ANGPTL6: variants seen among roughly 807,000 people sequenced by gnomAD.
ANGPTL6 encodes angiopoietin like 6.
A neutral mutation model predicts 47.4 loss-of-function variants in ANGPTL6; 45 were observed. That is an observed-to-expected ratio of 0.95 (90% confidence interval 0.75 to 1.22). ANGPTL6 has a LOEUF of 1.22. Among genes scored for constraint, ANGPTL6 ranks in the 50% most tolerant of loss-of-function variants. The probability of loss-of-function intolerance (pLI) is 0.00; values close to 1 mark genes in which losing one functional copy is unlikely to be tolerated. For missense variants in ANGPTL6, 698 were observed against 669.4 expected (o/e 1.04, Z -0.47); for synonymous variants, 290 against 295.9 (o/e 0.98, Z 0.20).
intron 3 of ANGPTL6, chr19:10,094,447 A>G (rs1031714266): frequency 2.4e-5 from 9 of 370,456 alleles, no homozygotes; most frequent in Admixed American, 9.3e-5. Context: ...CGCCCGGCCA[A>G]CTCTGGGGTT....
Position 10,096,240 on chromosome 19 carries a change from G to C in ANGPTL6, c.324C>G (p.Gly108=). Residue 108 remains glycine (G), a synonymous_variant, in exon 2 of 6, where the codon GGC becomes GGG. Transcript: ENST00000253109. ...KESRGLSARL[G]QLRAQLQHEA... Reference sequence around the variant, plus strand: ...CGTGCTGCAGCTGCGCGCGCAACTGGCCCAGGCGCGCGCTCAGGCCGCGGC... The same window carrying C: ...CGTGCTGCAGCTGCGCGCGCAACTGCCCCAGGCGCGCGCTCAGGCCGCGGC... 1.7e-6 allele frequency: 2 copies of C among 1,182,084 alleles called. No homozygotes were observed. The highest frequency in any genetic ancestry group is 2.1e-6 in the Non-Finnish European group (2 of 957,076). The allele number at this position is 1,182,084 out of a possible 1,614,324, so 73.2% of individuals were successfully genotyped here. A position where few individuals can be genotyped will look rare whatever the true frequency, so the allele number is the denominator to read the frequency against.
chr19:10,096,283 C>T lies in ANGPTL6; in HGVS notation c.281G>A (p.Arg94His), dbSNP rs2088533243. ...AADGAVAGEVRALRKESRGLS... is the reference protein window; with the variant it reads ...AADGAVAGEVHALRKESRGLS... ...GCCGCGGCTCTCCTTGCGCAGCGCG[C>T]GCACCTCGCCGGCCACGGCGCCGTC... is the stretch of plus-strand genomic sequence containing the variant. Residue 94 changes from arginine (R) to histidine (H), a missense_variant, in exon 2 of 6, where the codon CGC becomes CAC. By Grantham distance (29) the Arg-to-His change is conservative. Coordinates refer to ENST00000253109, the MANE Select transcript of ANGPTL6 (RefSeq NM_031917.3). The T allele has an allele frequency of 8.2e-7, 1 of 1,214,838 alleles. No homozygotes were observed. Among genetic ancestry groups the T allele is most frequent in the Non-Finnish European group, 1.0e-6 (1 of 978,930 alleles). The allele number at this position is 1,214,838 out of a possible 1,614,324, so 75.3% of individuals were successfully genotyped here.
At chr19:10,104,081 CAAAAAAAAA>C (rs33948028), upstream of ANGPTL6, among the ~76,000 whole-genome samples, 1 of 74,184 alleles carries the variant, frequency 1.3e-5, no homozygotes, top group African/African-American at 5.3e-5. Flanking sequence ...GACTCTGTCT[CAAAAAAAAA>C]AAAAAAAAAA....
chr19:10,099,386 C>A (rs1156896175), intron 1 of ANGPTL6, among the ~76,000 whole-genome samples: 1 of 151,974 alleles, frequency 6.6e-6, no homozygotes, highest in Admixed American at 6.6e-5. Context: ...ACCATCCTGG[C>A]TAACACAGTG....
chr19:10,103,299 C>A (rs1053796358), upstream of ANGPTL6, among the ~76,000 whole-genome samples: 1 of 151,826 alleles, frequency 6.6e-6, no homozygotes, highest in Non-Finnish European at 1.5e-5. Flanking sequence ...CACATTAACA[C>A]CCAGCGAAAG....
chr19:10,096,335 G>A lies in ANGPTL6; in HGVS notation c.229C>T (p.Arg77Cys). Reference sequence around the variant, plus strand: ...GCCGCCGCCAGCCTCTGCAGCTCGCGTAACAGCTCCTCGTGGCGGCCGACG... The same window carrying A: ...GCCGCCGCCAGCCTCTGCAGCTCGCATAACAGCTCCTCGTGGCGGCCGACG... ...MRVGRHEELL[R>C]ELQRLAAADG... The change falls in exon 2 of 6, where the codon CGC (arginine) becomes TGC (cysteine). Residue 77 changes from arginine (R) to cysteine (C), a missense_variant. Physicochemically the swap from Arg to Cys is radical, Grantham distance 180. Transcript: ENST00000253109. 5.5e-6 allele frequency: 7 copies of A among 1,283,804 alleles called. No homozygotes were observed. Among genetic ancestry groups the A allele is most frequent in the Non-Finnish European group, 5.9e-6 (6 of 1,019,950 alleles). 79.5% of individuals were successfully genotyped at this position (1,283,804 alleles called of 1,614,324 possible).
rs111902676 is a variant in ANGPTL6 at position 10,102,115 on chromosome 19, CAAAAAAAAAA to C, written c.-11+443_-11+452del. Among the ~76,000 whole-genome samples, 151 of 43,736 alleles carry C rather than the reference CAAAAAAAAAA, an allele frequency of 3.5e-3. 1 individual carries two copies. Among genetic ancestry groups the C allele is most frequent in the African/African-American group, 0.013 (148 of 11,174 alleles). The allele number at this position is 43,736 out of a possible 152,430, so 28.7% of individuals were successfully genotyped here. On this transcript the variant is annotated intron_variant, in intron 1 of 5. Coordinates refer to ENST00000253109, the MANE Select transcript of ANGPTL6 (RefSeq NM_031917.3). ...TGGGTGACAGAGCGAGACTCTGTCT[CAAAAAAAAAA>C]AAAAAAAAAAAAAGAAATGGCAGAA... is the stretch of plus-strand genomic sequence containing the variant.
chr19:10,101,949 C>CA (rs903648674), intron 1 of ANGPTL6, among the ~76,000 whole-genome samples: 2,937 of 96,508 alleles, frequency 0.03, 117 homozygotes, highest in African/African-American at 0.096. Flanking sequence ...ACTAAAAATA[C>CA]AAAAAAAAAA....
At position 10,092,485 on chromosome 19, in the gene ANGPTL6, T is replaced by C. The variant is rs2088412281; in HGVS notation, c.*104A>G. 2 of 1,521,956 alleles carry C rather than the reference T, an allele frequency of 1.3e-6. No individual in the cohort carries two copies. The highest frequency in any genetic ancestry group is 2.8e-5 in the African/African-American group (2 of 72,086). The allele number at this position is 1,521,956 out of a possible 1,614,324, so 94.3% of individuals were successfully genotyped here. A position where few individuals can be genotyped will look rare whatever the true frequency, so the allele number is the denominator to read the frequency against. ...GTCACAGATCCACAGTGGGAAGTTC[T>C]GTGGGACACATTGGCACTGAGCCAC... is the stretch of plus-strand genomic sequence containing the variant. On this transcript the variant is annotated 3_prime_UTR_variant, in exon 6 of 6. Transcript: ENST00000253109.
chr19:10,104,071 G>C (rs1454039430), upstream of ANGPTL6, among the ~76,000 whole-genome samples: 1 of 109,642 alleles, frequency 9.1e-6, no homozygotes, highest in Non-Finnish European at 1.7e-5. Flanking sequence ...GACAGAGTAA[G>C]ACTCTGTCTC....
intron 1 of ANGPTL6, among the ~76,000 whole-genome samples, chr19:10,100,806 A>C (rs1438183613): frequency 6.6e-6 from 1 of 152,182 alleles, no homozygotes; most frequent in Non-Finnish European, 1.5e-5. Flanking sequence ...AGAAAAATGG[A>C]ACAGGCAAGG....
intron 1 of ANGPTL6, among the ~76,000 whole-genome samples, chr19:10,101,119 GA>G (rs1339677191): frequency 1.3e-5 from 2 of 152,142 alleles, no homozygotes; most frequent in East Asian, 3.8e-4. Flanking sequence ...TGAGACACAA[GA>G]ATCACTTGAA....
intron 1 of ANGPTL6, among the ~76,000 whole-genome samples, chr19:10,097,391 A>C (rs2088574352): frequency 7.0e-6 from 1 of 143,520 alleles, no homozygotes; most frequent in African/African-American, 2.8e-5. Flanking sequence ...CAAAAGAAAA[A>C]AAAAAAAAAG....
chr19:10,096,462 G>A lies in ANGPTL6; in HGVS notation c.102C>T (p.Pro34=), dbSNP rs1403304177. Residue 34 remains proline, a synonymous_variant, in exon 2 of 6, where the codon CCC becomes CCT. Transcript: ENST00000253109. The part of the protein sequence containing the change: ...APRCTYTFVL[P]PQKFTGAVCW... ...ACACAGCGCCCGTGAACTTCTGCGG[G>A]GGCAGCACGAAGGTGTAGGTGCAGC... 3 of 1,476,940 alleles carry A rather than the reference G, an allele frequency of 2.0e-6. No homozygotes were observed. The highest frequency in any genetic ancestry group is 2.7e-6 in the Non-Finnish European group (3 of 1,122,612). 91.5% of individuals were successfully genotyped at this position (1,476,940 alleles called of 1,614,324 possible). A position where few individuals can be genotyped will look rare whatever the true frequency, so the allele number is the denominator to read the frequency against.
chr19:10,094,776 C>T lies in ANGPTL6; in HGVS notation c.745G>A (p.Val249Ile). 1 of 1,614,202 alleles carries T rather than the reference C, an allele frequency of 6.2e-7. No homozygotes were observed. Among genetic ancestry groups the T allele is most frequent in the South Asian group, 1.1e-5 (1 of 91,090 alleles). Reference protein sequence around the residue: ...ASPMPAGHPAVPTKPVGPWQD... With the variant: ...ASPMPAGHPAIPTKPVGPWQD... ...GACTTACCCACAGGCTTGGTGGGGA[C>T]CGCAGGGTGACCTGCAGGCATGGGA... is the stretch of plus-strand genomic sequence containing the variant. Residue 249 changes from valine (V) to isoleucine (I), a missense_variant, in exon 3 of 6, where the codon GTC (valine) becomes ATC (isoleucine). Val to Ile is a conservative substitution (Grantham distance 29). Transcript: ENST00000253109.
At chr19:10,101,597 C>T (rs1040197406) in intron 1 of ANGPTL6, among the ~76,000 whole-genome samples, 4 of 145,130 alleles carry the variant, frequency 2.8e-5, no homozygotes, top group Admixed American at 2.1e-4. Context: ...CACCTGAGGT[C>T]GAGAGTTCAA....
intron 2 of ANGPTL6, 44 bp downstream of exon 2, chr19:10,095,938 C>A (rs1363545111): frequency 6.0e-6 from 7 of 1,165,192 alleles, no homozygotes; most frequent in Non-Finnish European, 7.7e-6. Flanking sequence ...GCAAAACCCC[C>A]ATTTCACAGA....
At chr19:10,093,116 T>G in intron 5 of ANGPTL6, 1 of 570,020 alleles carries the variant, frequency 1.8e-6, no homozygotes. Flanking sequence ...CCTCTGCCCT[T>G]TACTTGAACA....
chr19:10,092,679 G>C lies in ANGPTL6; in HGVS notation c.1323C>G (p.Arg441=). The change falls in exon 6 of 6, where the codon CGC becomes CGG. Residue 441 remains arginine (R), a synonymous_variant. Transcript: ENST00000253109. ...CAGCCCAGTAGACACCATCCTGGTA[G>C]CGGCTTCGGTAGTGGCCGCCGTGGT... ...VWHHGGHYRS[R]YQDGVYWAEF... is the part of the protein sequence containing the mutation. 1 of 1,614,060 alleles carries C rather than the reference G, an allele frequency of 6.2e-7. No individual in the cohort carries two copies. The highest frequency in any genetic ancestry group is 1.1e-5 in the South Asian group (1 of 91,082).
Sources: allele counts gnomAD v4.1 joint callset (sites outside exome capture counted in the v4.1 genomes callset), GRCh38; gene constraint gnomAD v4.1.1; transcripts MANE v1.5; gene names NCBI Gene and HGNC (gene_info 2026-07-23, HGNC 2026-07-21).